KCNIP4: variants seen among roughly 807,000 people sequenced by gnomAD.
The protein encoded by KCNIP4 is Kv channel-interacting protein 4.
In KCNIP4, 12 loss-of-function variants were observed where a neutral mutation model predicts 34.0. The observed-to-expected ratio is 0.35, with a 90% CI of 0.23 to 0.57. KCNIP4 has a LOEUF of 0.57. KCNIP4 is among the 20% of genes least tolerant of loss of function. The probability of loss-of-function intolerance (pLI) is 0.83; values close to 1 mark genes in which losing one functional copy is unlikely to be tolerated. For synonymous variants in KCNIP4, 124 were observed against 102.2 expected (o/e 1.21, Z -1.29); for missense variants, 238 against 311.7 (o/e 0.76, Z 1.78).
chr4:21,501,039 T>A (rs541477784), intron 1 of KCNIP4, among the ~76,000 whole-genome samples: 2 of 152,232 alleles, frequency 1.3e-5, no homozygotes, highest in East Asian at 3.9e-4. Context: ...AGGCAAGACC[T>A]CTAATCTCTA....
At chr4:21,239,069 T>C (rs914544541) in intron 1 of KCNIP4, among the ~76,000 whole-genome samples, 5 of 151,876 alleles carry the variant, frequency 3.3e-5, no homozygotes, top group South Asian at 4.2e-4. Flanking sequence ...GAAATAATGC[T>C]GCATATCTAC....
chr4:20,797,317 CA>C (rs1370320639), intron 3 of KCNIP4, among the ~76,000 whole-genome samples: 1 of 152,110 alleles, frequency 6.6e-6, no homozygotes, highest in Non-Finnish European at 1.5e-5. Flanking sequence ...ACATTATAAT[CA>C]AGCATGCCTG....
intron 1 of KCNIP4, among the ~76,000 whole-genome samples, chr4:21,405,564 C>T (rs1333091659): frequency 6.6e-6 from 1 of 152,178 alleles, no homozygotes; most frequent in Non-Finnish European, 1.5e-5. Flanking sequence ...CTATGTGCCA[C>T]TTTCTAGTTC....
intron 1 of KCNIP4, among the ~76,000 whole-genome samples, chr4:21,682,111 C>T (rs534099427): frequency 7.2e-5 from 11 of 152,084 alleles, no homozygotes; most frequent in African/African-American, 1.7e-4. Flanking sequence ...AGGCTGGTCT[C>T]GAACTCCTGA....
intron 1 of KCNIP4, among the ~76,000 whole-genome samples, chr4:20,955,476 C>T (rs1462481464): frequency 6.6e-6 from 1 of 152,090 alleles, no homozygotes; most frequent in Non-Finnish European, 1.5e-5. Context: ...TTCCCTCATG[C>T]CCTCTGAGTC....
At chr4:21,117,310 G>GTT (rs1269227693) in intron 1 of KCNIP4, among the ~76,000 whole-genome samples, 1 of 133,464 alleles carries the variant, frequency 7.5e-6, no homozygotes, top group African/African-American at 2.8e-5. Flanking sequence ...CGGGGGGGGG[G>GTT]GGGGGGGGGC....
intron 1 of KCNIP4, among the ~76,000 whole-genome samples, chr4:21,426,642 G>C (rs1244744609): frequency 1.3e-5 from 2 of 151,824 alleles, no homozygotes; most frequent in Admixed American, 6.6e-5. Context: ...TGATAAAGAG[G>C]ATAAATCAAC....
intron 1 of KCNIP4, among the ~76,000 whole-genome samples, chr4:21,119,752 T>G (rs1330392176): frequency 6.6e-6 from 1 of 151,922 alleles, no homozygotes; most frequent in Non-Finnish European, 1.5e-5. Flanking sequence ...TAGAAGAATG[T>G]GGCAGAATGA....
intron 2 of KCNIP4, among the ~76,000 whole-genome samples, chr4:20,856,338 T>C (rs552965446): frequency 2.0e-5 from 3 of 152,218 alleles, no homozygotes; most frequent in Non-Finnish European, 4.4e-5. Flanking sequence ...TTCCACCTGT[T>C]AAAATGTATA....
chr4:20,772,195 TG>T (rs1334951646), intron 3 of KCNIP4, among the ~76,000 whole-genome samples: 2 of 152,172 alleles, frequency 1.3e-5, no homozygotes, highest in African/African-American at 4.8e-5. Flanking sequence ...TTCCTAAGCT[TG>T]AAAGGTGAGT....
At chr4:21,653,455 G>A (rs995285254) in intron 1 of KCNIP4, among the ~76,000 whole-genome samples, 3 of 152,150 alleles carry the variant, frequency 2.0e-5, no homozygotes, top group African/African-American at 2.4e-5. Context: ...TTACAATGCC[G>A]TAGAAGTAAA....
chr4:21,332,905 C>T (rs1260890662), intron 1 of KCNIP4, among the ~76,000 whole-genome samples: 1 of 151,848 alleles, frequency 6.6e-6, no homozygotes, highest in Non-Finnish European at 1.5e-5. Context: ...TCAAGTATTA[C>T]CTGCCTCTCT....
intron 1 of KCNIP4, among the ~76,000 whole-genome samples, chr4:21,052,095 C>A (rs1742985522): frequency 6.6e-6 from 1 of 152,090 alleles, no homozygotes; most frequent in South Asian, 2.1e-4. Context: ...AACTTTGTCC[C>A]TTGTTTTTTG....
At chr4:21,417,682 G>A (rs963620252) in intron 1 of KCNIP4, among the ~76,000 whole-genome samples, 2 of 152,168 alleles carry the variant, frequency 1.3e-5, no homozygotes, top group African/African-American at 2.4e-5. Context: ...GGTGTTTTTA[G>A]CATGAGATGT....
intron 1 of KCNIP4, among the ~76,000 whole-genome samples, chr4:21,628,794 A>G (rs1745513061): frequency 6.6e-6 from 1 of 152,216 alleles, no homozygotes. Context: ...ATTTTGCTAT[A>G]TTTAACCAAT....
At chr4:21,291,226 G>C (rs1763438052) in intron 1 of KCNIP4, among the ~76,000 whole-genome samples, 1 of 152,130 alleles carries the variant, frequency 6.6e-6, no homozygotes, top group South Asian at 2.1e-4. Flanking sequence ...TGGTGCAAAA[G>C]ACTCAGGGTT....
At chr4:21,239,573 C>T (rs1309745587) in intron 1 of KCNIP4, among the ~76,000 whole-genome samples, 4 of 152,116 alleles carry the variant, frequency 2.6e-5, no homozygotes, top group Non-Finnish European at 4.4e-5. Context: ...AGGATATAAA[C>T]AAACACTTCT....
At chr4:21,747,499 G>A (rs1716854418) in intron 1 of KCNIP4, among the ~76,000 whole-genome samples, 1 of 152,106 alleles carries the variant, frequency 6.6e-6, no homozygotes, top group South Asian at 2.1e-4. Flanking sequence ...TTCAGTGCAG[G>A]TTATAGAGTA....
chr4:20,925,800 T>A (rs1050138373), intron 1 of KCNIP4, among the ~76,000 whole-genome samples: 2 of 152,028 alleles, frequency 1.3e-5, no homozygotes, highest in Non-Finnish European at 2.9e-5. Flanking sequence ...CAAAACAAAA[T>A]CAGCAAAGGA....
Sources: gnomAD v4.1 joint callset for allele counts (sites outside exome capture counted in the v4.1 genomes callset) on GRCh38, gnomAD v4.1.1 for gene constraint, MANE v1.5 for transcripts, NCBI Gene and HGNC (gene_info 2026-07-23, HGNC 2026-07-21) for gene names.